ZMYM2: variants seen among roughly 807,000 people sequenced by gnomAD.
The protein encoded by ZMYM2 is zinc finger MYM-type protein 2.
In ZMYM2, 56 loss-of-function variants were observed where a neutral mutation model predicts 162.8. The ratio of observed to expected loss-of-function variants is 0.34; its 90% CI spans 0.28 to 0.43. The LOEUF (loss-of-function observed/expected upper bound fraction) is 0.43. Among genes scored for constraint, ZMYM2 ranks in the 20% least tolerant of loss-of-function variants. The pLI is 1.00. For synonymous variants in ZMYM2, 510 were observed against 541.6 expected, an observed-to-expected ratio of 0.94 and a Z score of 0.81; for missense variants, 1,275 against 1,621.8, an observed-to-expected ratio of 0.79 and a Z score of 3.67.
At chr13:19,869,386 A>G in the ZMYM2 span, among the ~76,000 whole-genome samples, 335 of 152,330 alleles carry the variant, frequency 2.2e-3, 1 homozygote, top group African/African-American at 8.0e-3. Context: ...AATCAGTGTT[A>G]AGATATTCTG....
the ZMYM2 span, among the ~76,000 whole-genome samples, chr13:19,882,933 CAAAT>C: frequency 6.6e-6 from 1 of 151,988 alleles, no homozygotes; most frequent in African/African-American, 2.4e-5. Context: ...AACAGATGTT[CAAAT>C]AAATACTTAT....
chr13:19,943,007 TC>T, the ZMYM2 span, among the ~76,000 whole-genome samples: 1 of 152,126 alleles, frequency 6.6e-6, no homozygotes, highest in Admixed American at 6.6e-5. Context: ...ACAGATTTAT[TC>T]TTTTACTGCT....
chr13:19,912,891 C>A, the ZMYM2 span, among the ~76,000 whole-genome samples: 4 of 152,124 alleles, frequency 2.6e-5, no homozygotes, highest in Non-Finnish European at 5.9e-5. Flanking sequence ...TACACCTGCC[C>A]CCAACTATAA....
intron 21 of ZMYM2, among the ~76,000 whole-genome samples, chr13:20,076,080 G>A (rs1190828236): frequency 6.7e-6 from 1 of 150,274 alleles, no homozygotes; most frequent in Non-Finnish European, 1.5e-5. Context: ...GAAAGAGATA[G>A]TTTTGTCAGC....
At chr13:19,873,555 T>C in the ZMYM2 span, among the ~76,000 whole-genome samples, 3 of 152,050 alleles carry the variant, frequency 2.0e-5, no homozygotes, top group African/African-American at 7.2e-5. Context: ...ATTACAGGCA[T>C]GTGTCACCAC....
intron 1 of ZMYM2, 108 bp downstream of exon 1, chr13:19,958,949 G>GGCGGAGATGGGTGAGGGCAGCCT (rs1954809517): frequency 6.6e-6 from 1 of 152,374 alleles, no homozygotes; most frequent in Non-Finnish European, 1.5e-5. Flanking sequence ...CGACTAGGGA[G>GGCGGAGATGGGTGAGGGCAGCCT]GCGGAGATGG....
rs553276612 is a variant in ZMYM2, at chr13:20,005,314, T to G, written c.1299+75T>G. The G allele has an allele frequency of 8.9e-6, 10 of 1,127,746 alleles. No individual in the cohort carries two copies. In the African/African-American group the frequency reaches 1.6e-4, roughly 19 times the overall value. The allele number at this position is 1,127,746 out of a possible 1,614,324, so 69.9% of individuals were successfully genotyped here. On this transcript the variant is annotated intron_variant, in intron 5 of 24. Coordinates refer to ENST00000610343, the MANE Select transcript of ZMYM2 (RefSeq NM_197968.4). Reference sequence around the variant, plus strand: ...TAAACTTCATTTAAGAACTATTAGATAATCTTTTATCAGTTCCTTAAAAAT... The same window carrying G: ...TAAACTTCATTTAAGAACTATTAGAGAATCTTTTATCAGTTCCTTAAAAAT...
At chr13:19,928,827 T>A in the ZMYM2 span, among the ~76,000 whole-genome samples, 7 of 150,250 alleles carry the variant, frequency 4.7e-5, no homozygotes, top group African/African-American at 7.3e-5. Context: ...CCCGTCTTAG[T>A]AGAGACAGGG....
At chr13:19,991,068 GTA>G (rs1566235300) in intron 2 of ZMYM2, among the ~76,000 whole-genome samples, 22 of 136,568 alleles carry the variant, frequency 1.6e-4, no homozygotes, top group Non-Finnish European at 2.9e-4. Context: ...GTGTGTGTAC[GTA>G]TGTATTTTCT....
At chr13:20,031,865 G>GTTTTTTTTTTTTTTTTTT (rs10642086) in intron 10 of ZMYM2, among the ~76,000 whole-genome samples, 6 of 130,274 alleles carry the variant, frequency 4.6e-5, no homozygotes, top group Non-Finnish European at 3.1e-5. Context: ...TTCTGTAATT[G>GTTTTTTTTTTTTTTTTTT]TTTTTTTTTT....
At chr13:20,046,179 G>T (rs1318098116) in intron 12 of ZMYM2, among the ~76,000 whole-genome samples, 1 of 151,988 alleles carries the variant, frequency 6.6e-6, no homozygotes, top group African/African-American at 2.4e-5. Context: ...TTGAGCCCAG[G>T]AGTTCGAGGT....
chr13:20,085,988 T>C lies in ZMYM2; in HGVS notation c.4108T>C (p.Tyr1370His). 2 of 1,613,512 alleles carry C rather than the reference T, an allele frequency of 1.2e-6. No individual in the cohort carries two copies. The highest frequency in any genetic ancestry group is 1.7e-6 in the Non-Finnish European group (2 of 1,179,652). The part of the protein sequence containing the change: ...LVKDIYDKDN[Y>H]ELDEDTD ...AAAAGATATTTATGATAAAGACAAT[T>C]ATGAACTGGATGAAGACACAGACTA... The change falls in exon 25 of 25, where the codon TAT (tyrosine) becomes CAT (histidine). Residue 1370 changes from tyrosine (Y) to histidine (H), a missense_variant. This residue lies in a region of ZMYM2 where 69 missense variants were observed against 78.4 expected (regional missense o/e 0.88). Transcript: ENST00000610343.
chr13:19,997,004 C>T (rs1360670477), intron 3 of ZMYM2, among the ~76,000 whole-genome samples: 1 of 152,138 alleles, frequency 6.6e-6, no homozygotes, highest in Non-Finnish European at 1.5e-5. Context: ...TGTTAATAGC[C>T]AGCACACAGC....
chr13:20,074,534 GCTT>G (rs1957343654), intron 21 of ZMYM2, among the ~76,000 whole-genome samples: 1 of 147,940 alleles, frequency 6.8e-6, no homozygotes. Flanking sequence ...ACTGTGCCCG[GCTT>G]CCTTCCTTTT....
the ZMYM2 span, among the ~76,000 whole-genome samples, chr13:19,878,737 G>A: frequency 6.6e-6 from 1 of 152,046 alleles, no homozygotes; most frequent in Admixed American, 6.6e-5. Context: ...GGTCAGGCTG[G>A]TCTTGAACTC....
the ZMYM2 span, among the ~76,000 whole-genome samples, chr13:19,912,222 C>A: frequency 6.6e-6 from 1 of 150,446 alleles, no homozygotes; most frequent in African/African-American, 2.5e-5. Flanking sequence ...TACACTCTCA[C>A]TGTGCTACAT....
At chr13:19,932,737 A>G in the ZMYM2 span, among the ~76,000 whole-genome samples, 1 of 152,100 alleles carries the variant, frequency 6.6e-6, no homozygotes, top group Non-Finnish European at 1.5e-5. Context: ...GTGGCTGTCT[A>G]CAAGTCAGGA....
At chr13:20,011,123 A>G (rs1017212462) in intron 6 of ZMYM2, among the ~76,000 whole-genome samples, 2 of 152,194 alleles carry the variant, frequency 1.3e-5, no homozygotes, top group Non-Finnish European at 2.9e-5. Flanking sequence ...AATCTATCCA[A>G]TAATAATTGT....
In ZMYM2 at chr13:20,083,071, A is replaced by T. The variant is rs748544810; in HGVS notation, c.3820+39A>T. The T allele has an allele frequency of 1.3e-5, 19 of 1,490,728 alleles. No individual in the cohort carries two copies. The Middle Eastern group carries it at 1.7e-3, about 130-fold the overall frequency. The allele number at this position is 1,490,728 out of a possible 1,614,324, so 92.3% of individuals were successfully genotyped here. On this transcript the variant is annotated intron_variant, in intron 23 of 24. Coordinates refer to ENST00000610343, the MANE Select transcript of ZMYM2 (RefSeq NM_197968.4). ...TTTCTATTTTTATTTTTATTTTTAA[A>T]TTTTTTTTGAGACAGAGTTTCACTC...
Sources: allele counts gnomAD v4.1 joint callset (sites outside exome capture counted in the v4.1 genomes callset), GRCh38; gene constraint gnomAD v4.1.1; regional missense constraint gnomAD v4.1.1; transcripts MANE v1.5; gene names NCBI Gene and HGNC (gene_info 2026-07-23, HGNC 2026-07-21).